VWA3A: variants seen among roughly 807,000 people sequenced by gnomAD.
VWA3A encodes the protein von Willebrand factor A domain-containing protein 3A.
VWA3A carries 134 observed loss-of-function variants against 160.4 expected under a neutral mutation model. That is an observed-to-expected ratio of 0.84 (90% confidence interval 0.73 to 0.96). The LOEUF (loss-of-function observed/expected upper bound fraction) is 0.96, where lower values mean the gene tolerates loss of function less well. Among genes scored for constraint, VWA3A ranks in the 40% least tolerant of loss-of-function variants. The pLI is 0.00. For synonymous variants in VWA3A, 476 were observed against 543.4 expected, an observed-to-expected ratio of 0.88 and a Z score of 1.72; for missense variants, 1,310 against 1,447.9, an observed-to-expected ratio of 0.90 and a Z score of 1.55.
At chr16:22,110,263 C>G (rs1011098798) in intron 7 of VWA3A, among the ~76,000 whole-genome samples, 5 of 152,206 alleles carry the variant, frequency 3.3e-5, no homozygotes, top group African/African-American at 4.8e-5. Flanking sequence ...AAAGCCTCTG[C>G]AGCGTGATGT....
At chr16:22,144,496 C>G (rs1156641710) in intron 26 of VWA3A, 112 bp downstream of exon 26, 2 of 1,440,268 alleles carry the variant, frequency 1.4e-6, no homozygotes, top group South Asian at 1.5e-5. Flanking sequence ...GAACTGCCCT[C>G]CTCCCCAAAG....
At chr16:22,135,743 A>T (rs966085091) in intron 21 of VWA3A, among the ~76,000 whole-genome samples, 4 of 151,804 alleles carry the variant, frequency 2.6e-5, no homozygotes, top group Non-Finnish European at 5.9e-5. Flanking sequence ...CCCATCCCAG[A>T]CCTTTCATGG....
At chr16:22,152,149 T>G (rs2046359604) in intron 30 of VWA3A, among the ~76,000 whole-genome samples, 1 of 152,170 alleles carries the variant, frequency 6.6e-6, no homozygotes, top group African/African-American at 2.4e-5. Flanking sequence ...AGGCTGAGGT[T>G]GCAGTGAGCC....
chr16:22,134,139 A>T (rs960597179), intron 20 of VWA3A, among the ~76,000 whole-genome samples: 4 of 151,092 alleles, frequency 2.6e-5, no homozygotes, highest in Non-Finnish European at 5.9e-5. Flanking sequence ...AATTTTTTAA[A>T]TTTTTTTTTA....
At chr16:22,101,117 C>G (rs894849631) in intron 5 of VWA3A, among the ~76,000 whole-genome samples, 3 of 152,046 alleles carry the variant, frequency 2.0e-5, no homozygotes, top group Admixed American at 1.3e-4. Flanking sequence ...TAGGGCCAGG[C>G]ATGGTGGTCC....
At chr16:22,128,172 A>G (rs2045885061) in intron 17 of VWA3A, among the ~76,000 whole-genome samples, 1 of 152,162 alleles carries the variant, frequency 6.6e-6, no homozygotes. Context: ...GATATAGGCC[A>G]TGCTCACGAG....
At chr16:22,142,529 C>G in intron 24 of VWA3A, 139 bp from the exon 25 acceptor site, 2 of 615,514 alleles carry the variant, frequency 3.2e-6, no homozygotes, top group South Asian at 3.8e-5. Context: ...GAGCATTGAT[C>G]TATTCATGAG....
At chr16:22,151,879 A>T (rs2046354471) in intron 30 of VWA3A, among the ~76,000 whole-genome samples, 1 of 152,190 alleles carries the variant, frequency 6.6e-6, no homozygotes, top group Non-Finnish European at 1.5e-5. Context: ...TTACAGGCCT[A>T]ACACATAGTA....
At chr16:22,153,045 G>T (rs752210815) in intron 31 of VWA3A, among the ~76,000 whole-genome samples, 2 of 152,068 alleles carry the variant, frequency 1.3e-5, no homozygotes, top group Non-Finnish European at 2.9e-5. Flanking sequence ...GGGCCAGCAA[G>T]GTTTAAGAAT....
At chr16:22,118,547 G>C (rs370867630) in intron 11 of VWA3A, among the ~76,000 whole-genome samples, 1 of 152,070 alleles carries the variant, frequency 6.6e-6, no homozygotes, top group Admixed American at 6.6e-5. Context: ...TTAGCCGGGC[G>C]TGGTGGCGGG....
rs1163850600 is a variant in VWA3A, at chr16:22,149,698, C to T, written c.2985-89C>T. The T allele has an allele frequency of 2.8e-6, 4 of 1,419,944 alleles. No homozygotes were observed. In the African/African-American group the frequency reaches 5.8e-5, roughly 20 times the overall value. The allele number at this position is 1,419,944 out of a possible 1,614,324, so 88.0% of individuals were successfully genotyped here. A position where few individuals can be genotyped will look rare whatever the true frequency, so the allele number is the denominator to read the frequency against. ...GCAAGAATAGTCCTCATGAGGGTAA[C>T]TTATCTGAATTCAATCTAGACAGGC... On this transcript the variant is annotated intron_variant, in intron 28 of 33. Coordinates refer to ENST00000389398, the MANE Select transcript of VWA3A (RefSeq NM_173615.5).
At chr16:22,139,579 A>G (rs1265722445) in intron 22 of VWA3A, among the ~76,000 whole-genome samples, 1 of 152,158 alleles carries the variant, frequency 6.6e-6, no homozygotes, top group Admixed American at 6.6e-5. Context: ...CTGTAATCCC[A>G]GCTACTCGGG....
Position 22,148,215 on chromosome 16 carries a change from G to T in VWA3A, c.2893G>T (p.Asp965Tyr), listed in dbSNP as rs751324981. The change falls in exon 28 of 34, where the codon GAC becomes TAC. Residue 965 changes from aspartate to tyrosine, a missense_variant. By Grantham distance (160) the Asp-to-Tyr change is radical. Coordinates refer to ENST00000389398, the MANE Select transcript of VWA3A (RefSeq NM_173615.5). ...VLESKVCILL[D>Y]TSGSMGPYLQ... ...GGAGAGCAAAGTATGCATATTGCTG[G>T]ACACGTCAGGGTCCATGGGCCCCTA... 1.9e-6 allele frequency: 3 copies of T among 1,601,980 alleles called. No individual in the cohort carries two copies. The highest frequency in any genetic ancestry group is 2.6e-6 in the Non-Finnish European group (3 of 1,174,564).
At chr16:22,128,349 G>A (rs1424408732) in intron 17 of VWA3A, among the ~76,000 whole-genome samples, 1 of 152,220 alleles carries the variant, frequency 6.6e-6, no homozygotes, top group African/African-American at 2.4e-5. Flanking sequence ...CTGCCCTAGT[G>A]TTGAGTGGGC....
chr16:22,105,155 C>G (rs957886303), intron 6 of VWA3A, among the ~76,000 whole-genome samples: 1 of 152,144 alleles, frequency 6.6e-6, no homozygotes, highest in African/African-American at 2.4e-5. Flanking sequence ...AGAGACCCCA[C>G]GGGAATGAAA....
chr16:22,148,000 G>A (rs1463107797), intron 27 of VWA3A, among the ~76,000 whole-genome samples, 162 bp from the exon 28 acceptor site: 1 of 151,884 alleles, frequency 6.6e-6, no homozygotes, highest in Non-Finnish European at 1.5e-5. Context: ...CCCTCCCACA[G>A]CACCACAAAA....
chr16:22,111,420 A>G (rs561300907), intron 8 of VWA3A, among the ~76,000 whole-genome samples: 2 of 152,270 alleles, frequency 1.3e-5, no homozygotes, highest in African/African-American at 4.8e-5. Flanking sequence ...CCTGGGCTTA[A>G]GCAATCCTCC....
chr16:22,148,119 C>T (rs761177251), intron 27 of VWA3A, 43 bp from the exon 28 acceptor site: 3 of 1,542,340 alleles, frequency 1.9e-6, no homozygotes, highest in South Asian at 2.4e-5. Context: ...GAGGAGGGAC[C>T]CCTCACTCCC....
chr16:22,156,100 C>A lies in VWA3A; in HGVS notation c.*83C>A. On this transcript the variant is annotated 3_prime_UTR_variant, in exon 34 of 34. Transcript: ENST00000389398. ...CCCGAGGGCAGGATGGGATGAAATG[C>A]TGTGACCTGCAGGAAACATGATTCC... is the stretch of plus-strand genomic sequence containing the variant. 1.6e-6 allele frequency: 1 copy of A among 631,904 alleles called. No homozygotes were observed. The highest frequency in any genetic ancestry group is 2.7e-6 in the Non-Finnish European group (1 of 365,184). The allele number at this position is 631,904 out of a possible 1,614,324, so 39.1% of individuals were successfully genotyped here.
Sources: allele counts gnomAD v4.1 joint callset (sites outside exome capture counted in the v4.1 genomes callset), GRCh38; gene constraint gnomAD v4.1.1; transcripts MANE v1.5; gene names NCBI Gene and HGNC (gene_info 2026-07-23, HGNC 2026-07-21).